Variants in STAT4 observed in about 807,000 individuals in gnomAD.
The protein encoded by STAT4 is signal transducer and activator of transcription 4.
STAT4 carries 42 observed loss-of-function variants against 110.5 expected under a neutral mutation model. The observed-to-expected ratio is 0.38, with a 90% confidence interval of 0.30 to 0.49. The LOEUF (loss-of-function observed/expected upper bound fraction) is 0.49. Ranked by LOEUF, STAT4 falls within the 20% of genes least tolerant of loss-of-function variation. The pLI, the probability that STAT4 is intolerant of heterozygous loss-of-function variation, is 0.95. For synonymous variants in STAT4, 284 were observed against 302.2 expected (o/e 0.94, Z 0.63); for missense variants, 632 against 887.9 (o/e 0.71, Z 3.66).
intron 3 of STAT4, among the ~76,000 whole-genome samples, chr2:191,088,864 G>T (rs1321290847): frequency 1.3e-5 from 2 of 152,176 alleles, no homozygotes; most frequent in Non-Finnish European, 2.9e-5. Context: ...GGAATAGCTG[G>T]ATATTCAGCT....
In STAT4 at chr2:191,031,176, T is replaced by A; in HGVS notation, c.2112-96A>T. 1 of 1,278,388 alleles carries A rather than the reference T, an allele frequency of 7.8e-7. No homozygotes were observed. The highest frequency in any genetic ancestry group is 1.3e-5 in the South Asian group (1 of 78,004). The allele number at this position is 1,278,388 out of a possible 1,614,324, so 79.2% of individuals were successfully genotyped here. A position where few individuals can be genotyped will look rare whatever the true frequency, so the allele number is the denominator to read the frequency against. On this transcript the variant is annotated intron_variant, in intron 22 of 23. Coordinates refer to ENST00000392320, the MANE Select transcript of STAT4 (RefSeq NM_003151.4). The surrounding 1 kb of genome is among the most constrained non-coding windows in gnomAD (Gnocchi z 4.8). ...TCAGGAACTCATTTCTAGGGCTTCA[T>A]CTATTTGTGACATTGAGTTATCTAA...
intron 3 of STAT4, among the ~76,000 whole-genome samples, chr2:191,098,551 C>T (rs555169586): frequency 1.3e-5 from 2 of 151,668 alleles, no homozygotes; most frequent in South Asian, 4.2e-4. Flanking sequence ...TAGGTGGGAA[C>T]TGAACAATGA....
At chr2:191,137,936 A>T (rs183767044) in intron 3 of STAT4, among the ~76,000 whole-genome samples, 59 of 152,362 alleles carry the variant, frequency 3.9e-4, no homozygotes, top group African/African-American at 1.4e-3. Flanking sequence ...ATGCTTCAGG[A>T]CATTGGTCTA....
Position 191,049,366 on chromosome 2 carries a change from C to T in STAT4, c.1251+5124G>A, listed in dbSNP as rs1559043896. On this transcript the variant is annotated intron_variant, in intron 14 of 23. Coordinates refer to ENST00000392320, the MANE Select transcript of STAT4 (RefSeq NM_003151.4). ...AATTTTTTGTATTTTTTAGTAGAGA[C>T]GGGGTTTCACTGTGTTAGCCAGGAT... 3.3e-5 allele frequency among the ~76,000 whole-genome samples: 5 copies of T among 151,906 alleles called. No individual in the cohort carries two copies. The South Asian group carries it at 1.0e-3, about 32-fold the overall frequency.
rs1043809384 is a variant in STAT4 at position 191,046,656 on chromosome 2, T to C, written c.1252-5508A>G. 6.6e-6 allele frequency among the ~76,000 whole-genome samples: 1 copy of C among 152,116 alleles called. No individual in the cohort carries two copies. The highest frequency in any genetic ancestry group is 6.6e-5 in the Admixed American group (1 of 15,266). ...GATGGTTGAAGGAAAACTTTCGGAG[T>C]GAGGTGCTATGATATTGTGATATAA... is the stretch of plus-strand genomic sequence containing the variant. On this transcript the variant is annotated intron_variant, in intron 14 of 23. Coordinates refer to ENST00000392320, the MANE Select transcript of STAT4 (RefSeq NM_003151.4). The surrounding 1 kb of genome is among the most constrained non-coding windows in gnomAD (Gnocchi z 4.6).
At chr2:191,122,637 T>C (rs1275926444) in intron 3 of STAT4, among the ~76,000 whole-genome samples, 1 of 152,132 alleles carries the variant, frequency 6.6e-6, no homozygotes, top group African/African-American at 2.4e-5. Flanking sequence ...ATAAATAAAT[T>C]GTACTATAGT....
chr2:191,073,066 G>C (rs1697211844), intron 5 of STAT4, 32 bp downstream of exon 5: 1 of 1,584,906 alleles, frequency 6.3e-7, no homozygotes, highest in South Asian at 1.1e-5. Flanking sequence ...ACAGTATCTA[G>C]ACTTTCTAGG....
At chr2:191,034,484 G>C in intron 18 of STAT4, 64 bp downstream of exon 18, 1 of 1,184,416 alleles carries the variant, frequency 8.4e-7, no homozygotes, top group Non-Finnish European at 1.3e-6. Flanking sequence ...TGTAGTAATA[G>C]ACTTAGAAAG....
chr2:191,031,410 T>G lies in STAT4; in HGVS notation c.2111+40A>C, dbSNP rs368505547. On this transcript the variant is annotated intron_variant, in intron 22 of 23. Transcript: ENST00000392320. The surrounding 1 kb of genome is among the most constrained non-coding windows in gnomAD (Gnocchi z 4.8). ...ACCTTTAAATCTCCTATAGGAAAGC[T>G]TTTTATAAAAATATTTCACATGTGA... 1.1e-5 allele frequency: 17 copies of G among 1,595,332 alleles called. No homozygotes were observed. Among genetic ancestry groups the G allele is most frequent in the Admixed American group, 5.2e-5 (3 of 57,500 alleles).
chr2:191,031,126 T>C lies in STAT4; in HGVS notation c.2112-46A>G, dbSNP rs762361958. The C allele has an allele frequency of 1.5e-5, 24 of 1,584,624 alleles. No homozygotes were observed. The highest frequency in any genetic ancestry group is 2.1e-5 in the Non-Finnish European group (24 of 1,154,094). Reference sequence around the variant, plus strand: ...AATATGGACAAGGATTAAAAAATAATAATAGTTCACGGTGACTTACTATGT... The same window carrying C: ...AATATGGACAAGGATTAAAAAATAACAATAGTTCACGGTGACTTACTATGT... On this transcript the variant is annotated intron_variant, in intron 22 of 23. Coordinates refer to ENST00000392320, the MANE Select transcript of STAT4 (RefSeq NM_003151.4). The surrounding 1 kb of genome is among the most constrained non-coding windows in gnomAD (Gnocchi z 4.8).
rs1027113878 is a variant in STAT4 at position 191,083,589 on chromosome 2, G to C, written c.274-7264C>G. 6.6e-6 allele frequency among the ~76,000 whole-genome samples: 1 copy of C among 152,068 alleles called. No individual in the cohort carries two copies. The highest frequency in any genetic ancestry group is 1.5e-5 in the Non-Finnish European group (1 of 68,020). On this transcript the variant is annotated intron_variant, in intron 3 of 23. Transcript: ENST00000392320. This position sits in a 1 kb window ranked among gnomAD's most constrained non-coding sequence, Gnocchi z 4.6. ...CAAATGTAGATATTTATTCTTTGTG[G>C]TATCTCTGGGATATGAAGCATTTGT...
In STAT4 at chr2:191,039,304, T is replaced by TG. The variant is rs778204330; in HGVS notation, c.1336-8dup. 1.9e-6 allele frequency: 3 copies of TG among 1,613,780 alleles called. No individual in the cohort carries two copies. The highest frequency in any genetic ancestry group is 2.7e-5 in the African/African-American group (2 of 75,002). On this transcript the variant is annotated splice_region_variant and splice_polypyrimidine_tract_variant and intron_variant, in intron 15 of 23. Transcript: ENST00000392320. This position sits in a 1 kb window ranked among gnomAD's most constrained non-coding sequence, Gnocchi z 4.7. The stretch of plus-strand genomic sequence containing the variant: ...CCACAGGCAATGAGCTGGTCTGGTT[T>TG]GGGGGGAAAAAAGCATAGTTATTAC...
At chr2:191,078,254 G>A (rs772519950) in intron 3 of STAT4, among the ~76,000 whole-genome samples, 7 of 152,064 alleles carry the variant, frequency 4.6e-5, no homozygotes, top group Non-Finnish European at 8.8e-5. Context: ...TCTCACAGTT[G>A]CAGGAATATT....
chr2:191,103,044 C>G (rs900138222), intron 3 of STAT4, among the ~76,000 whole-genome samples: 1 of 152,186 alleles, frequency 6.6e-6, no homozygotes, highest in South Asian at 2.1e-4. Context: ...CACAACCTCT[C>G]TCTTTTCACA....
chr2:191,044,203 T>C (rs770411072), intron 14 of STAT4, among the ~76,000 whole-genome samples: 1 of 152,116 alleles, frequency 6.6e-6, no homozygotes, highest in Admixed American at 6.5e-5. Flanking sequence ...AATGTTCAAA[T>C]TGGAAGGACC....
In STAT4 at chr2:191,094,601, G is replaced by C. The variant is rs1268859625; in HGVS notation, c.274-18276C>G. ...AGCTCCTGAAGGAAGCACTAAAAAT[G>C]GGAGGGAACAACCGGTACCAGCCAA... On this transcript the variant is annotated intron_variant, in intron 3 of 23. Transcript: ENST00000392320. Among the ~76,000 whole-genome samples the C allele has an allele frequency of 2.6e-5, 4 of 152,138 alleles. 1 individual carries two copies. The highest frequency in any genetic ancestry group is 4.8e-5 in the African/African-American group (2 of 41,428).
intron 3 of STAT4, among the ~76,000 whole-genome samples, chr2:191,124,758 T>C (rs1698833026): frequency 6.6e-6 from 1 of 152,212 alleles, no homozygotes; most frequent in South Asian, 2.1e-4. Flanking sequence ...CCATCTCTTA[T>C]TTTTCACTTT....
At chr2:191,056,537 C>T (rs1433809334) in intron 13 of STAT4, among the ~76,000 whole-genome samples, 1 of 152,044 alleles carries the variant, frequency 6.6e-6, no homozygotes, top group African/African-American at 2.4e-5. Context: ...CCAGGAATGC[C>T]TATCCATTAT....
intron 3 of STAT4, chr2:191,131,928 C>A: frequency 2.2e-6 from 3 of 1,352,836 alleles, no homozygotes; most frequent in Non-Finnish European, 9.6e-7. Flanking sequence ...TCTGTTTATT[C>A]TCTACACTTG....
Sources: allele counts gnomAD v4.1 joint callset (sites outside exome capture counted in the v4.1 genomes callset), GRCh38; gene constraint gnomAD v4.1.1; non-coding constraint Gnocchi (gnomAD v3.1); transcripts MANE v1.5; gene names NCBI Gene and HGNC (gene_info 2026-07-23, HGNC 2026-07-21).